Variants in ZFYVE9 observed in about 807,000 individuals in gnomAD.
ZFYVE9 encodes zinc finger FYVE-type containing 9.
ZFYVE9 carries 43 observed loss-of-function variants against 126.7 expected under a neutral mutation model. The observed-to-expected ratio is 0.34, with a 90% CI of 0.27 to 0.44. The LOEUF is 0.44. Ranked by LOEUF, ZFYVE9 falls within the 20% of genes least tolerant of loss-of-function variation. The pLI is 1.00. For missense variants in ZFYVE9, 1,476 were observed against 1,697.0 expected (o/e 0.87, Z 2.29); for synonymous variants, 521 against 597.4 (o/e 0.87, Z 1.87).
At chr1:52,242,728 G>A (rs1320302065) in intron 4 of ZFYVE9, among the ~76,000 whole-genome samples, 1 of 152,156 alleles carries the variant, frequency 6.6e-6, no homozygotes, top group Admixed American at 6.5e-5. Context: ...GAATAGATAT[G>A]AGAGTAGTAA....
chr1:52,209,955 CAG>C lies in ZFYVE9; in HGVS notation c.-142-6413_-142-6412del, dbSNP rs200682798. On this transcript the variant is annotated intron_variant, in intron 1 of 18. Transcript: ENST00000287727. ...GAGAATAGGCTAGATGGGTACAAAA[CAG>C]GGGGCAGGGAGACTAGGATTCTTGC... Among the ~76,000 whole-genome samples the C allele has an allele frequency of 5.1e-4, 77 of 152,168 alleles. 1 individual carries two copies. In the East Asian group the frequency reaches 7.3e-3, roughly 14 times the overall value.
chr1:52,169,766 A>C (rs28542245), intron 1 of ZFYVE9, among the ~76,000 whole-genome samples: 5,427 of 152,268 alleles, frequency 0.036, 238 homozygotes, highest in African/African-American at 0.11. Flanking sequence ...AATTATGTGG[A>C]GATTTTTATT....
At chr1:52,147,080 T>A (rs1644312471) in intron 1 of ZFYVE9, among the ~76,000 whole-genome samples, 2 of 152,168 alleles carry the variant, frequency 1.3e-5, no homozygotes, top group Non-Finnish European at 2.9e-5. Context: ...TAAAGTTACC[T>A]TTAGGCTATG....
intron 10 of ZFYVE9, among the ~76,000 whole-genome samples, chr1:52,292,048 G>T (rs962031422): frequency 6.6e-6 from 1 of 152,046 alleles, no homozygotes; most frequent in Non-Finnish European, 1.5e-5. Flanking sequence ...GGAGGCCAAG[G>T]CAGATGGATC....
intron 5 of ZFYVE9, among the ~76,000 whole-genome samples, chr1:52,265,984 A>C (rs1263750864): frequency 6.6e-6 from 1 of 152,200 alleles, no homozygotes; most frequent in Non-Finnish European, 1.5e-5. Context: ...TTAAAGTTTG[A>C]TGTTGTTTGA....
intron 12 of ZFYVE9, 82 bp downstream of exon 12, chr1:52,296,059 T>A: frequency 7.8e-7 from 1 of 1,281,704 alleles, no homozygotes; most frequent in Non-Finnish European, 1.1e-6. Context: ...ATTTTCTTGG[T>A]AGCTGTGCCC....
At chr1:52,182,033 T>A (rs1644712624) in intron 1 of ZFYVE9, among the ~76,000 whole-genome samples, 4 of 148,536 alleles carry the variant, frequency 2.7e-5, no homozygotes, top group Admixed American at 2.7e-4. Flanking sequence ...AGCCGCCCCG[T>A]CCGGGAGGGA....
chr1:52,294,217 C>T (rs1326910537), intron 11 of ZFYVE9, among the ~76,000 whole-genome samples: 1 of 152,152 alleles, frequency 6.6e-6, no homozygotes, highest in Non-Finnish European at 1.5e-5. Context: ...ATTAAAAGTG[C>T]CCTGTGCTAG....
chr1:52,246,630 C>T (rs185750135), intron 4 of ZFYVE9, among the ~76,000 whole-genome samples: 71 of 149,204 alleles, frequency 4.8e-4, no homozygotes, highest in Admixed American at 8.7e-4. Flanking sequence ...CTTCCAAGGT[C>T]AAGCGATCCT....
chr1:52,195,580 G>A (rs1017181927), intron 1 of ZFYVE9, among the ~76,000 whole-genome samples: 1 of 152,142 alleles, frequency 6.6e-6, no homozygotes, highest in African/African-American at 2.4e-5. Flanking sequence ...AAAAGTAAAA[G>A]TTTAATACCT....
Position 52,281,813 on chromosome 1 carries a change from G to A in ZFYVE9, c.3022G>A (p.Ala1008Thr), listed in dbSNP as rs1426690289. 1.9e-6 allele frequency: 3 copies of A among 1,614,110 alleles called. No individual in the cohort carries two copies. The highest frequency in any genetic ancestry group is 1.7e-5 in the Admixed American group (1 of 60,018). Residue 1008 changes from alanine to threonine, a missense_variant, in exon 10 of 19, where the codon GCA (alanine) becomes ACA (threonine). Coordinates refer to ENST00000287727, the MANE Select transcript of ZFYVE9 (RefSeq NM_004799.4). ...HFVQLYRDALAGNVVSNLGHS... is the reference protein window; with the variant it reads ...HFVQLYRDALTGNVVSNLGHS... ...TGTGCAGCTTTATCGGGATGCTCTG[G>A]CAGGTAGGAATGCTTTATGACTTAG...
At chr1:52,287,600 C>T (rs1645874629) in intron 10 of ZFYVE9, among the ~76,000 whole-genome samples, 1 of 151,622 alleles carries the variant, frequency 6.6e-6, no homozygotes, top group Non-Finnish European at 1.5e-5. Flanking sequence ...GGTTCATTCC[C>T]TTCTTGCTCT....
At chr1:52,300,278 G>C (rs753740761) in intron 12 of ZFYVE9, among the ~76,000 whole-genome samples, 2 of 152,028 alleles carry the variant, frequency 1.3e-5, no homozygotes, top group Non-Finnish European at 2.9e-5. Flanking sequence ...TGTCACTGTC[G>C]TTTAGAGAGA....
chr1:52,238,715 G>T lies in ZFYVE9; in HGVS notation c.1298G>T (p.Gly433Val), dbSNP rs767196382. Residue 433 changes from glycine (G) to valine (V), a missense_variant, in exon 4 of 19, where the codon GGT becomes GTT. Physicochemically the swap from Gly to Val is moderately radical, Grantham distance 109. This residue lies in a region of ZFYVE9 where 807 missense variants were observed against 794.6 expected (regional missense o/e 1.02). Transcript: ENST00000287727. ...LQISQPEDTNGDSGGQCVGLA... is the reference protein window; with the variant it reads ...LQISQPEDTNVDSGGQCVGLA... The stretch of plus-strand genomic sequence containing the variant: ...ATTAGTCAGCCTGAGGACACTAATG[G>T]TGATAGTGGAGGACAGTGTGTTGGA... 1.1e-5 allele frequency: 18 copies of T among 1,614,104 alleles called. No homozygotes were observed. Among genetic ancestry groups the T allele is most frequent in the Non-Finnish European group, 1.5e-5 (18 of 1,179,970 alleles).
intron 1 of ZFYVE9, among the ~76,000 whole-genome samples, chr1:52,194,595 T>C (rs1045312563): frequency 6.6e-6 from 1 of 152,164 alleles, no homozygotes; most frequent in African/African-American, 2.4e-5. Flanking sequence ...CAATAATGAT[T>C]AGAGCATGAA....
intron 10 of ZFYVE9, among the ~76,000 whole-genome samples, chr1:52,292,042 G>T (rs1156746835): frequency 1.3e-5 from 2 of 152,030 alleles, no homozygotes; most frequent in African/African-American, 4.8e-5. Context: ...ACTTTGGGAG[G>T]CCAAGGCAGA....
At chr1:52,220,078 G>A (rs1178423549) in intron 2 of ZFYVE9, among the ~76,000 whole-genome samples, 1 of 152,082 alleles carries the variant, frequency 6.6e-6, no homozygotes, top group African/African-American at 2.4e-5. Flanking sequence ...ACCCTGCCAG[G>A]CCAAGATCTT....
intron 4 of ZFYVE9, chr1:52,252,103 AT>A: frequency 6.1e-6 from 1 of 164,290 alleles, no homozygotes. Context: ...TGCTCCATTT[AT>A]TTTTGGTTAT....
At chr1:52,343,629 A>C (rs1459087841) in intron 17 of ZFYVE9, among the ~76,000 whole-genome samples, 1 of 149,244 alleles carries the variant, frequency 6.7e-6, no homozygotes, top group African/African-American at 2.5e-5. Flanking sequence ...GGTGGTGCAC[A>C]CTTGTAGTCC....
Sources: allele counts gnomAD v4.1 joint callset (sites outside exome capture counted in the v4.1 genomes callset), GRCh38; gene constraint gnomAD v4.1.1; regional missense constraint gnomAD v4.1.1; transcripts MANE v1.5; gene names NCBI Gene and HGNC (gene_info 2026-07-23, HGNC 2026-07-21).